HSPA4L: variants seen among roughly 807,000 people sequenced by gnomAD.
HSPA4L encodes heat shock 70 kDa protein 4L.
A neutral mutation model predicts 100.3 loss-of-function variants in HSPA4L; 48 were observed. The observed-to-expected ratio is 0.48, with a 90% CI of 0.38 to 0.61. HSPA4L has a LOEUF of 0.61. HSPA4L is among the 20% of genes least tolerant of loss of function. The pLI, the probability that HSPA4L is intolerant of heterozygous loss-of-function variation, is 0.00. For missense variants in HSPA4L, 886 were observed against 988.6 expected (o/e 0.90, Z 1.39); for synonymous variants, 319 against 328.2 (o/e 0.97, Z 0.30).
In HSPA4L at chr4:127,825,298, T is replaced by C. The variant is rs546198578; in HGVS notation, c.2046+1674T>C. 4.6e-5 allele frequency among the ~76,000 whole-genome samples: 7 copies of C among 152,274 alleles called. No individual in the cohort carries two copies. The East Asian group carries it at 1.4e-3, about 29-fold the overall frequency. On this transcript the variant is annotated intron_variant, in intron 16 of 18. Coordinates refer to ENST00000296464, the MANE Select transcript of HSPA4L (RefSeq NM_014278.4). ...AGTAGATACAAGGTGGGCCCACTTT[T>C]AACAAACTTCCAAGTGATGCTGATG...
At chr4:127,815,453 G>A (rs1007827492) in intron 12 of HSPA4L, among the ~76,000 whole-genome samples, 2 of 151,542 alleles carry the variant, frequency 1.3e-5, no homozygotes, top group African/African-American at 4.9e-5. Flanking sequence ...CAGGACGCTG[G>A]GGCTGGAGTT....
At position 127,833,491 on chromosome 4, in the gene HSPA4L, A is replaced by G. The variant is rs1407723826; in HGVS notation, c.*617A>G. 6.6e-6 allele frequency: 1 copy of G among 152,198 alleles called. No individual in the cohort carries two copies. Among genetic ancestry groups the G allele is most frequent in the African/African-American group, 2.4e-5 (1 of 41,456 alleles). 9.4% of individuals were successfully genotyped at this position (152,198 alleles called of 1,614,324 possible). A position where few individuals can be genotyped will look rare whatever the true frequency, so the allele number is the denominator to read the frequency against. Reference sequence around the variant, plus strand: ...AATTTTATGTTAAGGTGAAACCAGCAGTTTGCTTCTTTTATTAGTAATGTG... The same window carrying G: ...AATTTTATGTTAAGGTGAAACCAGCGGTTTGCTTCTTTTATTAGTAATGTG... On this transcript the variant is annotated 3_prime_UTR_variant, in exon 19 of 19. Coordinates refer to ENST00000296464, the MANE Select transcript of HSPA4L (RefSeq NM_014278.4).
intron 4 of HSPA4L, among the ~76,000 whole-genome samples, chr4:127,799,277 G>A (rs1012088847): frequency 6.6e-6 from 1 of 151,966 alleles, no homozygotes; most frequent in Non-Finnish European, 1.5e-5. Flanking sequence ...AGTGAGTTTA[G>A]TAATCAATTT....
chr4:127,812,506 A>G (rs1733562361), intron 12 of HSPA4L, among the ~76,000 whole-genome samples: 1 of 151,906 alleles, frequency 6.6e-6, no homozygotes, highest in Admixed American at 6.6e-5. Context: ...AAGGAATCTT[A>G]GGAGAACTTT....
At position 127,782,596 on chromosome 4, in the gene HSPA4L, G is replaced by T. The variant is rs1348626241; in HGVS notation, c.46G>T (p.Ala16Ser). Residue 16 changes from alanine to serine, a missense_variant, in exon 1 of 19, where the codon GCT (alanine) becomes TCT (serine). Ala to Ser is a moderately conservative substitution (Grantham distance 99). Coordinates refer to ENST00000296464, the MANE Select transcript of HSPA4L (RefSeq NM_014278.4). Reference sequence around the variant, plus strand: ...CCTCGGCTTTCTCAACTGCTACATTGCTGTCGCGAGAAGTGGCGGCATCGA... The same window carrying T: ...CCTCGGCTTTCTCAACTGCTACATTTCTGTCGCGAGAAGTGGCGGCATCGA... ...IDLGFLNCYIAVARSGGIETI... is the reference protein window; with the variant it reads ...IDLGFLNCYISVARSGGIETI... The T allele has an allele frequency of 1.2e-6, 2 of 1,614,060 alleles. No individual in the cohort carries two copies. The highest frequency in any genetic ancestry group is 1.7e-6 in the Non-Finnish European group (2 of 1,179,988).
chr4:127,805,897 A>C (rs1236828327), intron 10 of HSPA4L, 104 bp downstream of exon 10: 1 of 629,674 alleles, frequency 1.6e-6, no homozygotes, highest in East Asian at 2.8e-5. Flanking sequence ...AATTCTGCCA[A>C]ATACTTTAAA....
In HSPA4L at chr4:127,833,206, A is replaced by G. The variant is rs999378843; in HGVS notation, c.*332A>G. ...TAAACCTCAATTCCTTTATTCAGGA[A>G]AGGATACTTTATTGCATTATTGTTG... On this transcript the variant is annotated 3_prime_UTR_variant, in exon 19 of 19. Coordinates refer to ENST00000296464, the MANE Select transcript of HSPA4L (RefSeq NM_014278.4). 1 of 193,180 alleles carries G rather than the reference A, an allele frequency of 5.2e-6. No individual in the cohort carries two copies. The highest frequency in any genetic ancestry group is 2.3e-5 in the African/African-American group (1 of 43,228). 12.0% of individuals were successfully genotyped at this position (193,180 alleles called of 1,614,324 possible).
chr4:127,802,613 G>A (rs556692038), intron 6 of HSPA4L, among the ~76,000 whole-genome samples: 5 of 151,984 alleles, frequency 3.3e-5, no homozygotes, highest in African/African-American at 7.3e-5. Flanking sequence ...TAAAAAGAAC[G>A]TTTTTTTCCT....
chr4:127,794,494 A>T (rs1732966484), intron 2 of HSPA4L, among the ~76,000 whole-genome samples: 1 of 152,088 alleles, frequency 6.6e-6, no homozygotes, highest in Non-Finnish European at 1.5e-5. Context: ...AAAATAAGGT[A>T]GGAAAAATGA....
intron 1 of HSPA4L, chr4:127,783,759 C>T (rs1732635799): frequency 7.8e-7 from 1 of 1,280,102 alleles, no homozygotes; most frequent in Non-Finnish European, 1.1e-6. Context: ...AGGTCAGTGT[C>T]CAATGGTCTT....
At position 127,836,211 on chromosome 4, in the gene HSPA4L, C is replaced by CA. The variant is rs1265244203; in HGVS notation, c.*3343dup. 1 of 152,336 alleles carries CA rather than the reference C, an allele frequency of 6.6e-6. No individual in the cohort carries two copies. The highest frequency in any genetic ancestry group is 2.1e-4 in the South Asian group (1 of 4,812). The allele number at this position is 152,336 out of a possible 1,614,324, so 9.4% of individuals were successfully genotyped here. ...TGAAACCCCGTCTCTACTAAAAATA[C>CA]AAAAAATTAGCTGGGCATGGTGGCG... On this transcript the variant is annotated 3_prime_UTR_variant, in exon 19 of 19. Transcript: ENST00000296464.
chr4:127,801,638 T>C (rs1733186220), intron 5 of HSPA4L, 147 bp from the exon 6 acceptor site: 1 of 612,042 alleles, frequency 1.6e-6, no homozygotes, highest in Non-Finnish European at 2.6e-6. Context: ...TAAAGCATTA[T>C]TAACCGAATT....
At chr4:127,818,250 C>CT in intron 12 of HSPA4L, 75 bp from the exon 13 acceptor site, 2 of 981,350 alleles carry the variant, frequency 2.0e-6, no homozygotes, top group Non-Finnish European at 3.2e-6. Context: ...GGCTTGAACT[C>CT]TTAAGATGCA....
chr4:127,818,487 CTTTCT>C (rs943958918), intron 13 of HSPA4L, 67 bp downstream of exon 13: 146 of 989,918 alleles, frequency 1.5e-4, no homozygotes, highest in Non-Finnish European at 2.1e-4. Context: ...GTATTTAATG[CTTTCT>C]TTTAACGCAC....
intron 2 of HSPA4L, 97 bp downstream of exon 2, chr4:127,794,231 A>C (rs1359959405): frequency 2.2e-6 from 2 of 898,620 alleles, no homozygotes; most frequent in Non-Finnish European, 3.5e-6. Context: ...TGAATAAGAG[A>C]GTGAGGAAAA....
At chr4:127,829,342 G>A (rs921347242) in intron 17 of HSPA4L, among the ~76,000 whole-genome samples, 18 of 152,026 alleles carry the variant, frequency 1.2e-4, no homozygotes, top group African/African-American at 4.3e-4. Context: ...GTTTTACTCT[G>A]AGATAGGAAG....
intron 14 of HSPA4L, among the ~76,000 whole-genome samples, chr4:127,821,105 G>A (rs1733798797): frequency 6.6e-6 from 1 of 152,058 alleles, no homozygotes; most frequent in Non-Finnish European, 1.5e-5. Flanking sequence ...ACATTTAAGT[G>A]GTAGTTCCTA....
rs111845184 is a variant in HSPA4L, at chr4:127,837,244, C to A, written c.*4370C>A. 4 of 152,230 alleles carry A rather than the reference C, an allele frequency of 2.6e-5. No individual in the cohort carries two copies. Among genetic ancestry groups the A allele is most frequent in the South Asian group, 2.1e-4 (1 of 4,824 alleles). 9.4% of individuals were successfully genotyped at this position (152,230 alleles called of 1,614,324 possible). ...GGATTACAGGCGTGAGCCACCATAC[C>A]CGGCCAAAAATTTTTGCTTTTAAAG... On this transcript the variant is annotated 3_prime_UTR_variant, in exon 19 of 19. Transcript: ENST00000296464.
chr4:127,810,696 T>C (rs538878319), intron 11 of HSPA4L, among the ~76,000 whole-genome samples: 54 of 152,304 alleles, frequency 3.5e-4, no homozygotes, highest in Admixed American at 1.2e-3. Flanking sequence ...AGTTTGAGGC[T>C]GCAGTGACCT....
Sources: gnomAD v4.1 joint callset for allele counts (sites outside exome capture counted in the v4.1 genomes callset) on GRCh38, gnomAD v4.1.1 for gene constraint, MANE v1.5 for transcripts, NCBI Gene and HGNC (gene_info 2026-07-23, HGNC 2026-07-21) for gene names.